UNC13C: variants seen among roughly 807,000 people sequenced by gnomAD.
UNC13C encodes unc-13 homolog C.
A neutral mutation model predicts 245.4 loss-of-function variants in UNC13C; 174 were observed. That is an observed-to-expected ratio of 0.71 (90% confidence interval 0.63 to 0.80). UNC13C has a LOEUF of 0.80. Ranked by LOEUF, UNC13C falls within the 30% of genes least tolerant of loss-of-function variation. The probability of loss-of-function intolerance (pLI) is 0.00; values close to 1 mark genes in which losing one functional copy is unlikely to be tolerated. For synonymous variants in UNC13C, 992 were observed against 895.1 expected, an observed-to-expected ratio of 1.11 and a Z score of -1.93; for missense variants, 2,829 against 2,602.9, an observed-to-expected ratio of 1.09 and a Z score of -1.89.
At chr15:53,915,216 T>C in the UNC13C span, among the ~76,000 whole-genome samples, 1 of 152,176 alleles carries the variant, frequency 6.6e-6, no homozygotes, top group Non-Finnish European at 1.5e-5. Flanking sequence ...ACTTTTTGTT[T>C]TTCTGTTTAA....
chr15:53,909,564 C>T, the UNC13C span, among the ~76,000 whole-genome samples: 20 of 145,966 alleles, frequency 1.4e-4, 2 homozygotes. Flanking sequence ...GCATCCTGGC[C>T]AACATAGTGA....
intron 17 of UNC13C, among the ~76,000 whole-genome samples, chr15:54,365,152 C>G (rs367731675): frequency 7.0e-4 from 107 of 152,164 alleles, no homozygotes; most frequent in Middle Eastern, 6.8e-3. Flanking sequence ...TTGGCCCTCT[C>G]AGTATTTTCC....
chr15:54,562,739 T>C (rs1251062354), intron 29 of UNC13C, among the ~76,000 whole-genome samples: 1 of 152,066 alleles, frequency 6.6e-6, no homozygotes, highest in Non-Finnish European at 1.5e-5. Flanking sequence ...TGCCATCCTA[T>C]ATCATCTGAA....
chr15:54,425,525 C>T (rs1271298746), intron 19 of UNC13C, among the ~76,000 whole-genome samples: 4 of 151,900 alleles, frequency 2.6e-5, no homozygotes, highest in Admixed American at 1.3e-4. Flanking sequence ...GCAAATGACA[C>T]CTAGAATTAA....
At chr15:54,607,379 G>C (rs938058326) in intron 30 of UNC13C, among the ~76,000 whole-genome samples, 3 of 152,220 alleles carry the variant, frequency 2.0e-5, no homozygotes, top group African/African-American at 7.2e-5. Flanking sequence ...TCCTTTTTCA[G>C]AGTCAGTTCA....
rs186174448 is a variant in UNC13C at position 54,480,185 on chromosome 15, G to A, written c.4934-14423G>A. ...ATTGAATCTGTTGGAAGATCTGTGA[G>A]CTTCCTGTATTTGAATGTCCATATT... On this transcript the variant is annotated intron_variant, in intron 19 of 32. Transcript: ENST00000260323. Among the ~76,000 whole-genome samples, 344 of 152,082 alleles carry A rather than the reference G, an allele frequency of 2.3e-3. 2 individuals are homozygous for A. The highest frequency in any genetic ancestry group is 3.6e-3 in the Non-Finnish European group (248 of 67,974).
chr15:54,238,596 T>C (rs2140837550), intron 7 of UNC13C, among the ~76,000 whole-genome samples: 1 of 152,362 alleles, frequency 6.6e-6, no homozygotes, highest in East Asian at 1.9e-4. Context: ...TAGGTTATAA[T>C]AAGCAATACA....
At chr15:53,981,173 A>G (rs2140946087) in intron 1 of UNC13C, among the ~76,000 whole-genome samples, 1 of 152,282 alleles carries the variant, frequency 6.6e-6, no homozygotes, top group South Asian at 2.1e-4. Flanking sequence ...CTTTTCAGCT[A>G]ATGCAATGCA....
chr15:53,859,962 G>C, the UNC13C span, among the ~76,000 whole-genome samples: 2 of 152,104 alleles, frequency 1.3e-5, no homozygotes, highest in African/African-American at 4.8e-5. Context: ...TTGCTCCTTG[G>C]AATTCCCACA....
intron 13 of UNC13C, among the ~76,000 whole-genome samples, chr15:54,303,691 G>A (rs771597879): frequency 6.7e-6 from 1 of 149,488 alleles, no homozygotes; most frequent in Non-Finnish European, 1.5e-5. Context: ...ACGCTCCCAT[G>A]ACATGGTCTC....
chr15:54,046,539 A>C (rs1897045256), intron 2 of UNC13C, among the ~76,000 whole-genome samples: 1 of 152,020 alleles, frequency 6.6e-6, no homozygotes, highest in Non-Finnish European at 1.5e-5. Context: ...CCAAACCACC[A>C]GTGTATATAG....
intron 2 of UNC13C, among the ~76,000 whole-genome samples, chr15:54,059,756 T>A (rs140488942): frequency 6.6e-6 from 1 of 152,278 alleles, no homozygotes; most frequent in South Asian, 2.1e-4. Context: ...ATGGTACTGG[T>A]ACCAAAATAG....
the UNC13C span, among the ~76,000 whole-genome samples, chr15:53,917,961 A>T: frequency 6.6e-6 from 1 of 152,212 alleles, no homozygotes; most frequent in Non-Finnish European, 1.5e-5. Context: ...TGTTGAGTTT[A>T]GCATGTTTTA....
intron 10 of UNC13C, among the ~76,000 whole-genome samples, chr15:54,265,765 G>C (rs536692925): frequency 3.3e-5 from 5 of 151,964 alleles, no homozygotes; most frequent in Non-Finnish European, 7.4e-5. Flanking sequence ...GATAAAAAAA[G>C]ATACACAACA....
intron 18 of UNC13C, among the ~76,000 whole-genome samples, chr15:54,408,691 C>T (rs552123727): frequency 6.6e-6 from 1 of 152,270 alleles, no homozygotes; most frequent in Admixed American, 6.5e-5. Context: ...CGTGACTCCC[C>T]AACCTAAGCT....
chr15:53,934,624 A>G, the UNC13C span, among the ~76,000 whole-genome samples: 1 of 152,184 alleles, frequency 6.6e-6, no homozygotes. Flanking sequence ...TAGAAGGTAT[A>G]TGTCTTATTC....
the UNC13C span, among the ~76,000 whole-genome samples, chr15:53,872,919 C>T: frequency 3.3e-5 from 5 of 152,136 alleles, no homozygotes; most frequent in Non-Finnish European, 7.3e-5. Context: ...GAAATGACAA[C>T]GTTTTGCCAT....
intron 17 of UNC13C, among the ~76,000 whole-genome samples, chr15:54,372,336 C>T (rs1441218462): frequency 6.6e-6 from 1 of 151,762 alleles, no homozygotes; most frequent in African/African-American, 2.4e-5. Flanking sequence ...TTACCTTTTC[C>T]TTAAGAGCCT....
chr15:54,104,580 T>C lies in UNC13C; in HGVS notation c.2984-38438T>C, dbSNP rs183574226. 2.6e-5 allele frequency among the ~76,000 whole-genome samples: 4 copies of C among 152,290 alleles called. No individual in the cohort carries two copies. The East Asian group carries it at 7.7e-4, about 29-fold the overall frequency. ...GTACTTAATAGTTATATTTCAGCTATCAGATTTCTAACAGTCAAGAGTTCT... is the reference window on the plus strand; with the variant it reads ...GTACTTAATAGTTATATTTCAGCTACCAGATTTCTAACAGTCAAGAGTTCT... On this transcript the variant is annotated intron_variant, in intron 2 of 32. Transcript: ENST00000260323.
Sources: allele counts gnomAD v4.1 joint callset (sites outside exome capture counted in the v4.1 genomes callset), GRCh38; gene constraint gnomAD v4.1.1; transcripts MANE v1.5; gene names NCBI Gene and HGNC (gene_info 2026-07-23, HGNC 2026-07-21).